Variants in RBFOX1 observed in about 807,000 individuals in gnomAD.
The protein encoded by RBFOX1 is RNA binding protein fox-1 homolog 1.
RBFOX1 carries 8 observed loss-of-function variants against 57.7 expected under a neutral mutation model. The ratio of observed to expected loss-of-function variants is 0.14; its 90% CI spans 0.08 to 0.25. The LOEUF (loss-of-function observed/expected upper bound fraction) is 0.25, where lower values mean the gene tolerates loss of function less well. RBFOX1 is among the 10% of genes least tolerant of loss of function. The pLI is 1.00. For missense variants in RBFOX1, 611 were observed against 548.5 expected (o/e 1.11, Z -1.14); for synonymous variants, 326 against 222.4 (o/e 1.47, Z -4.15).
intron 3 of RBFOX1, among the ~76,000 whole-genome samples, chr16:6,698,385 G>A (rs1289738638): frequency 1.3e-5 from 2 of 152,224 alleles, no homozygotes; most frequent in South Asian, 2.1e-4. Flanking sequence ...ACAATGGATG[G>A]TTTAGCTACA....
At chr16:5,606,272 G>A (rs2047575057) in intron 3 of RBFOX1, among the ~76,000 whole-genome samples, 1 of 152,088 alleles carries the variant, frequency 6.6e-6, no homozygotes, top group Admixed American at 6.6e-5. Flanking sequence ...CATGCCCCAT[G>A]TTCCCTGACT....
At chr16:5,319,586 C>T (rs1004793349) in intron 1 of RBFOX1, among the ~76,000 whole-genome samples, 13 of 152,296 alleles carry the variant, frequency 8.5e-5, no homozygotes, top group South Asian at 2.1e-4. Flanking sequence ...ATCCAGGCCA[C>T]GTGGACCTTG....
chr16:7,542,595 C>T (rs1323901013), intron 5 of RBFOX1, among the ~76,000 whole-genome samples: 1 of 151,552 alleles, frequency 6.6e-6, no homozygotes, highest in Non-Finnish European at 1.5e-5. Flanking sequence ...TGGCTCACAC[C>T]TGTAATCCCA....
At chr16:5,836,326 A>G (rs2056455400) in intron 3 of RBFOX1, among the ~76,000 whole-genome samples, 1 of 152,140 alleles carries the variant, frequency 6.6e-6, no homozygotes. Context: ...AGGAAGCTCC[A>G]AGACCCTTTG....
At chr16:6,924,968 G>T (rs570467104) in intron 3 of RBFOX1, among the ~76,000 whole-genome samples, 1 of 151,334 alleles carries the variant, frequency 6.6e-6, no homozygotes, top group Non-Finnish European at 1.5e-5. Context: ...ATAGTTTGCT[G>T]AGAATGATGG....
At chr16:5,352,682 C>T (rs1004589526) in intron 1 of RBFOX1, among the ~76,000 whole-genome samples, 3 of 152,034 alleles carry the variant, frequency 2.0e-5, no homozygotes, top group Non-Finnish European at 4.4e-5. Flanking sequence ...GTGGCTCATA[C>T]TTGTAATTCC....
intron 3 of RBFOX1, among the ~76,000 whole-genome samples, chr16:5,656,486 CAT>C (rs1207137257): frequency 4.6e-5 from 7 of 152,140 alleles, no homozygotes; most frequent in African/African-American, 1.4e-4. Context: ...ACATAGTTAA[CAT>C]ATACAACTTG....
At position 6,646,879 on chromosome 16, in the gene RBFOX1, T is replaced by C. The variant is rs74916127; in HGVS notation, c.-63-7724T>C. 2.2e-3 allele frequency among the ~76,000 whole-genome samples: 338 copies of C among 152,222 alleles called. 18 individuals carry two copies. The East Asian group carries it at 0.059, about 27-fold the overall frequency. On this transcript the variant is annotated intron_variant, in intron 2 of 15. Coordinates refer to ENST00000550418, the MANE Select transcript of RBFOX1 (RefSeq NM_018723.4). ...GTCAAGCAGAGACTTCAGCCATTAA[T>C]TTAGGAGACAGGGTGAGAAAAGGAA...
At chr16:6,527,138 C>G (rs2096591973) in intron 2 of RBFOX1, among the ~76,000 whole-genome samples, 1 of 151,982 alleles carries the variant, frequency 6.6e-6, no homozygotes, top group Non-Finnish European at 1.5e-5. Context: ...TATGTTAAAA[C>G]CTTTTAAAAC....
chr16:6,932,018 C>T (rs1425404320), intron 3 of RBFOX1, among the ~76,000 whole-genome samples: 2 of 152,204 alleles, frequency 1.3e-5, no homozygotes, highest in Admixed American at 1.3e-4. Flanking sequence ...CTGACACCTG[C>T]AGTAGCTAAC....
At chr16:5,792,699 C>T (rs192631551) in intron 3 of RBFOX1, among the ~76,000 whole-genome samples, 12 of 152,096 alleles carry the variant, frequency 7.9e-5, no homozygotes, top group African/African-American at 2.2e-4. Flanking sequence ...AAAAACTAGC[C>T]GGGCATGGTG....
intron 3 of RBFOX1, among the ~76,000 whole-genome samples, chr16:5,732,829 G>C (rs898859368): frequency 6.6e-6 from 1 of 152,062 alleles, no homozygotes; most frequent in African/African-American, 2.4e-5. Context: ...CTTCACAAAA[G>C]TCTTCAACCG....
chr16:7,077,773 C>T (rs940541960), intron 4 of RBFOX1, among the ~76,000 whole-genome samples: 3 of 152,184 alleles, frequency 2.0e-5, no homozygotes, highest in African/African-American at 7.2e-5. Context: ...GCAGCTTTCC[C>T]TTGAACTGAT....
chr16:6,340,919 G>C (rs2084471806), intron 2 of RBFOX1, among the ~76,000 whole-genome samples: 1 of 152,068 alleles, frequency 6.6e-6, no homozygotes, highest in African/African-American at 2.4e-5. Flanking sequence ...GCACTTCTGG[G>C]GACCTGGGGG....
At chr16:7,110,053 T>C (rs2064379568) in intron 4 of RBFOX1, among the ~76,000 whole-genome samples, 1 of 151,994 alleles carries the variant, frequency 6.6e-6, no homozygotes, top group Admixed American at 6.6e-5. Flanking sequence ...AACCTGCTAA[T>C]ACTAATCACT....
chr16:7,493,285 G>A (rs535745515), intron 4 of RBFOX1, among the ~76,000 whole-genome samples: 90 of 152,304 alleles, frequency 5.9e-4, no homozygotes, highest in African/African-American at 2.1e-3. Context: ...GCCACACGTG[G>A]CTAGAGTTTC....
intron 4 of RBFOX1, among the ~76,000 whole-genome samples, chr16:7,384,203 ATG>A (rs2097839664): frequency 1.3e-5 from 2 of 151,996 alleles, no homozygotes; most frequent in Non-Finnish European, 2.9e-5. Context: ...TGAAATATAT[ATG>A]AAACATATAT....
intron 4 of RBFOX1, among the ~76,000 whole-genome samples, chr16:7,174,634 G>T (rs1463130685): frequency 6.6e-6 from 1 of 152,082 alleles, no homozygotes; most frequent in Non-Finnish European, 1.5e-5. Context: ...TACAAAATTA[G>T]CCAGGCGTGG....
At chr16:6,460,667 C>A (rs1184148463) in intron 2 of RBFOX1, among the ~76,000 whole-genome samples, 8 of 152,222 alleles carry the variant, frequency 5.3e-5, no homozygotes, top group African/African-American at 9.6e-5. Context: ...ATTCATTCAA[C>A]CATTGTGGAA....
Sources: gnomAD v4.1 joint callset for allele counts (sites outside exome capture counted in the v4.1 genomes callset) on GRCh38, gnomAD v4.1.1 for gene constraint, MANE v1.5 for transcripts, NCBI Gene and HGNC (gene_info 2026-07-23, HGNC 2026-07-21) for gene names.